LINGO2: variants seen among roughly 807,000 people sequenced by gnomAD.
LINGO2 encodes leucine-rich repeat and immunoglobulin-like domain-containing nogo receptor-interacting protein 2.
A neutral mutation model predicts 30.6 loss-of-function variants in LINGO2; 14 were observed. The observed-to-expected ratio is 0.46, with a 90% CI of 0.30 to 0.72. The LOEUF (loss-of-function observed/expected upper bound fraction) is 0.72, where lower values mean the gene tolerates loss of function less well. Ranked by LOEUF, LINGO2 falls within the 30% of genes least tolerant of loss-of-function variation. The probability of loss-of-function intolerance (pLI) is 0.07; values close to 1 mark genes in which losing one functional copy is unlikely to be tolerated. For synonymous variants in LINGO2, 317 were observed against 288.5 expected (o/e 1.10, Z -1.00); for missense variants, 729 against 751.7 (o/e 0.97, Z 0.35).
At chr9:28,287,803 C>T (rs1454678143) in intron 4 of LINGO2, among the ~76,000 whole-genome samples, 1 of 151,966 alleles carries the variant, frequency 6.6e-6, no homozygotes, top group African/African-American at 2.4e-5. Context: ...CGTGTGTGTG[C>T]GTATGTGTGC....
chr9:28,384,838 AT>A (rs34531360), intron 2 of LINGO2, among the ~76,000 whole-genome samples: 4 of 62,744 alleles, frequency 6.4e-5, no homozygotes, highest in African/African-American at 1.2e-4. Flanking sequence ...AAAAAAAAAA[AT>A]GTCTTCACAT....
chr9:28,094,077 A>G (rs1279902605), intron 4 of LINGO2, among the ~76,000 whole-genome samples: 1 of 152,118 alleles, frequency 6.6e-6, no homozygotes, highest in Non-Finnish European at 1.5e-5. Context: ...TGAAAAGGCC[A>G]AATGGCCAAA....
upstream of LINGO2, among the ~76,000 whole-genome samples, chr9:28,673,726 A>G (rs1829111718): frequency 6.6e-6 from 1 of 151,650 alleles, no homozygotes; most frequent in South Asian, 2.1e-4. Flanking sequence ...CAGAGGATAA[A>G]AGAAAAATAT....
At chr9:28,760,638 C>A in the LINGO2 span, among the ~76,000 whole-genome samples, 14 of 151,786 alleles carry the variant, frequency 9.2e-5, no homozygotes, top group Non-Finnish European at 1.8e-4. Flanking sequence ...TATTTGTATT[C>A]TTTTATTGCT....
chr9:29,148,187 C>T, the LINGO2 span, among the ~76,000 whole-genome samples: 2 of 152,058 alleles, frequency 1.3e-5, no homozygotes. Flanking sequence ...TTTCGTATTA[C>T]TTTATTTCTA....
chr9:29,063,464 G>A, the LINGO2 span, among the ~76,000 whole-genome samples: 18 of 150,716 alleles, frequency 1.2e-4, no homozygotes, highest in East Asian at 3.9e-4. Context: ...GTGCAGTGGC[G>A]CAATCTAGGC....
the LINGO2 span, among the ~76,000 whole-genome samples, chr9:28,974,485 G>T: frequency 6.6e-6 from 1 of 152,132 alleles, no homozygotes; most frequent in Non-Finnish European, 1.5e-5. Context: ...TTAAGGCTTA[G>T]TATTTATTAG....
At chr9:27,989,296 C>T (rs2210466) in intron 5 of LINGO2, among the ~76,000 whole-genome samples, 40,819 of 151,856 alleles carry the variant, frequency 0.27, 6,339 homozygotes, top group South Asian at 0.35. Flanking sequence ...TTACTGTATG[C>T]TGATTTGTTC....
chr9:28,353,875 T>A (rs1820035096), intron 3 of LINGO2, among the ~76,000 whole-genome samples: 1 of 151,986 alleles, frequency 6.6e-6, no homozygotes, highest in African/African-American at 2.4e-5. Context: ...AAATTGGAAA[T>A]CATCATTCTC....
intron 4 of LINGO2, among the ~76,000 whole-genome samples, chr9:28,051,184 G>A (rs957928110): frequency 1.3e-5 from 2 of 151,448 alleles, no homozygotes; most frequent in Non-Finnish European, 2.9e-5. Context: ...CACAGATGCA[G>A]TTGAGGTCAT....
intron 1 of LINGO2, among the ~76,000 whole-genome samples, chr9:28,641,300 T>A (rs956689954): frequency 6.6e-6 from 1 of 152,040 alleles, no homozygotes; most frequent in African/African-American, 2.4e-5. Context: ...CCTCCCAAAG[T>A]GCTAGGATTA....
At chr9:29,207,952 C>T in the LINGO2 span, among the ~76,000 whole-genome samples, 1 of 151,900 alleles carries the variant, frequency 6.6e-6, no homozygotes, top group Non-Finnish European at 1.5e-5. Flanking sequence ...GTATTTTCTT[C>T]CTAATTCACA....
chr9:28,064,801 G>C (rs1331339732), intron 4 of LINGO2, among the ~76,000 whole-genome samples: 2 of 151,976 alleles, frequency 1.3e-5, no homozygotes, highest in Admixed American at 6.6e-5. Flanking sequence ...ACCAAACCTG[G>C]TGCCTTTGCC....
At chr9:29,013,724 T>G in the LINGO2 span, among the ~76,000 whole-genome samples, 4 of 152,178 alleles carry the variant, frequency 2.6e-5, no homozygotes, top group African/African-American at 9.6e-5. Flanking sequence ...GCAGAATATA[T>G]TGACTTATGC....
the LINGO2 span, among the ~76,000 whole-genome samples, chr9:29,001,341 T>C: frequency 6.6e-6 from 1 of 151,978 alleles, no homozygotes; most frequent in East Asian, 1.9e-4. Context: ...CAATTTTTGG[T>C]AGTTTATGTG....
chr9:28,965,115 A>G, the LINGO2 span, among the ~76,000 whole-genome samples: 1 of 152,010 alleles, frequency 6.6e-6, no homozygotes, highest in African/African-American at 2.4e-5. Context: ...AGTAGAAATG[A>G]CATGCATTCC....
chr9:28,289,347 A>T (rs758006805), intron 4 of LINGO2, among the ~76,000 whole-genome samples: 4 of 152,200 alleles, frequency 2.6e-5, no homozygotes, highest in Non-Finnish European at 5.9e-5. Flanking sequence ...ACACTTCTAA[A>T]TCATATATTT....
intron 1 of LINGO2, among the ~76,000 whole-genome samples, chr9:28,478,143 A>G (rs1825798521): frequency 6.6e-6 from 1 of 152,178 alleles, no homozygotes; most frequent in Admixed American, 6.5e-5. Context: ...TGAAGAAACC[A>G]GTAACTGTCA....
At chr9:28,507,497 C>T (rs1162637385) in intron 1 of LINGO2, among the ~76,000 whole-genome samples, 1 of 152,058 alleles carries the variant, frequency 6.6e-6, no homozygotes, top group Admixed American at 6.6e-5. Flanking sequence ...ACATCTCTGA[C>T]TTAAATGTGC....
Sources: gnomAD v4.1 joint callset for allele counts (sites outside exome capture counted in the v4.1 genomes callset) on GRCh38, gnomAD v4.1.1 for gene constraint, MANE v1.5 for transcripts, NCBI Gene and HGNC (gene_info 2026-07-23, HGNC 2026-07-21) for gene names.